Variants in PRRC2B observed in about 807,000 individuals in gnomAD.
PRRC2B encodes protein PRRC2B.
Under a neutral mutation model 242.3 loss-of-function variants are expected in PRRC2B, and 68 were observed. The observed-to-expected ratio is 0.28, with a 90% CI of 0.23 to 0.34. The LOEUF (loss-of-function observed/expected upper bound fraction) is 0.34, where lower values mean the gene tolerates loss of function less well. PRRC2B is among the 10% of genes least tolerant of loss of function. PRRC2B has a pLI of 1.00. For missense variants in PRRC2B, 2,835 were observed against 2,954.8 expected (o/e 0.96, Z 0.94); for synonymous variants, 1,228 against 1,173.6 (o/e 1.05, Z -0.95).
chr9:131,403,493 A>G (rs987381384), intron 1 of PRRC2B, among the ~76,000 whole-genome samples: 72 of 151,840 alleles, frequency 4.7e-4, no homozygotes, highest in African/African-American at 1.7e-3. Context: ...CTGGGAGTAC[A>G]GGTGCATCCC....
Position 131,477,800 on chromosome 9 carries a change from A to T in PRRC2B, c.4463A>T (p.His1488Leu). ...GLSGCSSGSGHSPYALERAAH... is the reference protein window; with the variant it reads ...GLSGCSSGSGLSPYALERAAH... Reference sequence around the variant, plus strand: ...AGTGGCTGCAGCAGTGGGAGTGGCCACTCCCCCTATGCCCTGGAGCGGGCA... The same window carrying T: ...AGTGGCTGCAGCAGTGGGAGTGGCCTCTCCCCCTATGCCCTGGAGCGGGCA... Residue 1488 changes from histidine (H) to leucine (L), a missense_variant, in exon 17 of 32, where the codon CAC becomes CTC. Transcript: ENST00000683519. 1 of 1,611,326 alleles carries T rather than the reference A, an allele frequency of 6.2e-7. No homozygotes were observed. The highest frequency in any genetic ancestry group is 8.5e-7 in the Non-Finnish European group (1 of 1,179,066).
chr9:131,475,460 G>A lies in PRRC2B; in HGVS notation c.3331G>A (p.Gly1111Ser). ...CAGTCAGCGCAGCGGCCGTGGCCGG[G>A]GCCTGCGAGAGTTTGCGCGGCCAGA... ...CSSQRSGRGR[G>S]LREFARPEDC... is the part of the protein sequence containing the mutation. The change falls in exon 16 of 32, where the codon GGC (glycine) becomes AGC (serine). Residue 1111 changes from glycine (G) to serine (S), a missense_variant. Coordinates refer to ENST00000683519, the MANE Select transcript of PRRC2B (RefSeq NM_013318.4). The A allele has an allele frequency of 1.3e-6, 2 of 1,586,278 alleles. No homozygotes were observed. Among genetic ancestry groups the A allele is most frequent in the African/African-American group, 1.4e-5 (1 of 73,958 alleles).
At chr9:131,448,557 A>AAAAC (rs1838898589) in intron 9 of PRRC2B, among the ~76,000 whole-genome samples, 2 of 143,150 alleles carry the variant, frequency 1.4e-5, no homozygotes, top group African/African-American at 5.0e-5. Flanking sequence ...AAAAAAAAAA[A>AAAAC]AAAAAAAAAA....
chr9:131,413,322 T>G (rs1176265872), intron 1 of PRRC2B, among the ~76,000 whole-genome samples: 2 of 152,230 alleles, frequency 1.3e-5, no homozygotes, highest in African/African-American at 4.8e-5. Context: ...GAGGTCCTGT[T>G]CCAGCCAATG....
At chr9:131,474,417 C>T in intron 15 of PRRC2B, 37 bp from the exon 16 acceptor site, 1 of 1,547,444 alleles carries the variant, frequency 6.5e-7, no homozygotes, top group Non-Finnish European at 8.8e-7. Flanking sequence ...GAACCAGGCT[C>T]CAATCGCATT....
intron 1 of PRRC2B, among the ~76,000 whole-genome samples, chr9:131,401,462 A>C (rs981862317): frequency 6.8e-6 from 1 of 147,828 alleles, no homozygotes; most frequent in Non-Finnish European, 1.5e-5. Context: ...GCTCACTGCA[A>C]CCTCAGCCTC....
At chr9:131,383,882 A>G (rs1836793889) in intron 1 of PRRC2B, among the ~76,000 whole-genome samples, 2 of 151,170 alleles carry the variant, frequency 1.3e-5, no homozygotes, top group African/African-American at 2.4e-5. Flanking sequence ...CGGCCTCCCA[A>G]AGTGCTGGGA....
Position 131,485,040 on chromosome 9 carries a change from C to G in PRRC2B, c.5658C>G (p.Ser1886=), listed in dbSNP as rs371121586. ...CTGGCTCAGGCATCCAGCCTCCATC[C>G]TCTGTGGGTGCCTCCAGCGGGGTCA... The part of the protein sequence containing the change: ...GGAGSGIQPP[S]SVGASSGVNY... The change falls in exon 25 of 32, where the codon TCC becomes TCG. Residue 1886 remains serine (S), a synonymous_variant. Transcript: ENST00000683519. The G allele has an allele frequency of 2.2e-5, 36 of 1,612,106 alleles. No homozygotes were observed. In the African/African-American group the frequency reaches 2.5e-4, roughly 11 times the overall value.
intron 1 of PRRC2B, among the ~76,000 whole-genome samples, chr9:131,420,498 T>TTCTTTCTTTTCTTTCTTTCTTTTCTTTC (rs1564278665): frequency 1.1e-5 from 1 of 90,744 alleles, no homozygotes; most frequent in African/African-American, 4.6e-5. Flanking sequence ...TCTTTCTTTT[T>TTCTTTCTTTTCTTTCTTTCTTTTCTTTC]TTTTTTTTTT....
chr9:131,421,303 G>T (rs535778740), intron 1 of PRRC2B, among the ~76,000 whole-genome samples: 1 of 152,202 alleles, frequency 6.6e-6, no homozygotes, highest in South Asian at 2.1e-4. Flanking sequence ...AGGTGAGGTC[G>T]CCTTACTTAC....
chr9:131,435,164 C>T (rs1384028104), intron 3 of PRRC2B, among the ~76,000 whole-genome samples: 4 of 150,920 alleles, frequency 2.7e-5, no homozygotes, highest in Admixed American at 6.6e-5. Context: ...TGGGCGTGGT[C>T]GTGCACGCCT....
rs1554758636 is a variant in PRRC2B at position 131,420,493 on chromosome 9, C to CTTTTCTTTCTTTCTTTTCTTTCT, written c.-51-9597_-51-9596insCTTTCTTTCTTTTCTTTCTTTTT. Among the ~76,000 whole-genome samples the CTTTTCTTTCTTTCTTTTCTTTCT allele has an allele frequency of 2.2e-3, 65 of 30,180 alleles. 8 individuals carry two copies. The highest frequency in any genetic ancestry group is 6.7e-3 in the African/African-American group (62 of 9,264). The allele number at this position is 30,180 out of a possible 152,430, so 19.8% of individuals were successfully genotyped here. On this transcript the variant is annotated intron_variant, in intron 1 of 31. Coordinates refer to ENST00000683519, the MANE Select transcript of PRRC2B (RefSeq NM_013318.4). ...TCTTTCTTTCTTTCTTTCTTTCTTT[C>CTTTTCTTTCTTTCTTTTCTTTCT]TTTTTTTTTTTTTTTTTGAGATGGA... is the stretch of plus-strand genomic sequence containing the variant.
chr9:131,448,373 G>A (rs1838873812), intron 9 of PRRC2B, among the ~76,000 whole-genome samples: 10 of 151,494 alleles, frequency 6.6e-5, no homozygotes, highest in Admixed American at 6.6e-4. Context: ...GTGAAACCCT[G>A]TCTCTACTAA....
intron 1 of PRRC2B, among the ~76,000 whole-genome samples, chr9:131,420,497 T>TTTCGTTCGTTC (rs1837801640): frequency 6.1e-5 from 1 of 16,432 alleles, no homozygotes; most frequent in African/African-American, 1.4e-4. Flanking sequence ...TTCTTTCTTT[T>TTTCGTTCGTTC]TTTTTTTTTT....
At chr9:131,411,205 C>T (rs972656478) in intron 1 of PRRC2B, among the ~76,000 whole-genome samples, 20 of 151,390 alleles carry the variant, frequency 1.3e-4, no homozygotes, top group African/African-American at 4.1e-4. Context: ...TGCAGTGAGC[C>T]GAGATCACGC....
intron 1 of PRRC2B, among the ~76,000 whole-genome samples, chr9:131,409,086 G>A (rs548442685): frequency 2.3e-4 from 35 of 150,212 alleles, no homozygotes; most frequent in Non-Finnish European, 4.6e-4. Flanking sequence ...GCAATGGCGC[G>A]ATCTTGTCTC....
chr9:131,488,241 A>G (rs1944082245), intron 28 of PRRC2B, 145 bp downstream of exon 28: 6 of 1,173,932 alleles, frequency 5.1e-6, no homozygotes, highest in Non-Finnish European at 5.8e-6. Flanking sequence ...CGTGCAGGAA[A>G]TCAGCCTCTT....
intron 4 of PRRC2B, among the ~76,000 whole-genome samples, chr9:131,438,226 GA>G (rs1838437344): frequency 6.6e-6 from 1 of 152,234 alleles, no homozygotes; most frequent in South Asian, 2.1e-4. Flanking sequence ...TAGTTGAGTG[GA>G]AAAGACGGGT....
Position 131,479,361 on chromosome 9 carries a change from T to G in PRRC2B, c.4868T>G (p.Leu1623Arg), listed in dbSNP as rs1255204335. ...GACGTGACCGTGCCTGGCAGCAGCC[T>G]GGGCACTGAGATCTGGGAGAGCAGC... is the stretch of plus-strand genomic sequence containing the variant. ...QGDVTVPGSS[L>R]GTEIWESSSQ... The change falls in exon 19 of 32, where the codon CTG (leucine) becomes CGG (arginine). Residue 1623 changes from leucine to arginine, a missense_variant. Around this residue, in one of 7 missense-constraint regions of PRRC2B, gnomAD observed 1,536 missense variants for 1,483.1 expected, o/e 1.04. Coordinates refer to ENST00000683519, the MANE Select transcript of PRRC2B (RefSeq NM_013318.4). 1 of 1,613,744 alleles carries G rather than the reference T, an allele frequency of 6.2e-7. No individual in the cohort carries two copies. The highest frequency in any genetic ancestry group is 1.3e-5 in the African/African-American group (1 of 74,932).
Sources: gnomAD v4.1 joint callset for allele counts (sites outside exome capture counted in the v4.1 genomes callset) on GRCh38, gnomAD v4.1.1 for gene constraint, gnomAD v4.1.1 regional missense constraint, MANE v1.5 for transcripts, NCBI Gene and HGNC (gene_info 2026-07-23, HGNC 2026-07-21) for gene names.